PRELID2: variants seen among roughly 807,000 people sequenced by gnomAD.
The protein encoded by PRELID2 is PRELI domain containing 2.
In PRELID2, 25 loss-of-function variants were observed where a neutral mutation model predicts 28.4. That is an observed-to-expected ratio of 0.88 (90% CI 0.64 to 1.23). The LOEUF (loss-of-function observed/expected upper bound fraction) is 1.23, where lower values mean the gene tolerates loss of function less well. PRELID2 is among the 50% of genes most tolerant of loss of function. The pLI, the probability that PRELID2 is intolerant of heterozygous loss-of-function variation, is 0.00. For synonymous variants in PRELID2, 76 were observed against 71.6 expected (o/e 1.06, Z -0.31); for missense variants, 201 against 214.4 (o/e 0.94, Z 0.39).
At chr5:145,674,422 A>T (rs1754773179) in intron 1 of PRELID2, among the ~76,000 whole-genome samples, 1 of 152,140 alleles carries the variant, frequency 6.6e-6, no homozygotes, top group African/African-American at 2.4e-5. Flanking sequence ...ACAAATAGAA[A>T]ATCCAGAAAT....
At chr5:145,597,511 T>C (rs1389676122) in intron 1 of PRELID2, among the ~76,000 whole-genome samples, 2 of 152,102 alleles carry the variant, frequency 1.3e-5, no homozygotes, top group African/African-American at 2.4e-5. Flanking sequence ...GATAAATGAG[T>C]ATTGGGTTGA....
chr5:145,745,866 A>AAAAAAATG (rs145134599), intron 1 of PRELID2, among the ~76,000 whole-genome samples: 126,103 of 150,924 alleles, frequency 0.84, 52,974 homozygotes, highest in East Asian at 0.96. Context: ...TCATCTCAAA[A>AAAAAAATG]AAAAAAATGA....
At chr5:145,301,421 A>G in the PRELID2 span, among the ~76,000 whole-genome samples, 1 of 152,190 alleles carries the variant, frequency 6.6e-6, no homozygotes, top group South Asian at 2.1e-4. Context: ...TGAATCAGGC[A>G]TGTATAACAT....
the PRELID2 span, among the ~76,000 whole-genome samples, chr5:145,249,918 C>CCTCT: frequency 2.4e-4 from 34 of 139,834 alleles, no homozygotes; most frequent in African/African-American, 8.3e-4. Flanking sequence ...CATGCCTCTC[C>CCTCT]CTCTCTCTCT....
At chr5:145,673,521 C>T (rs1754752542) in intron 1 of PRELID2, among the ~76,000 whole-genome samples, 1 of 151,436 alleles carries the variant, frequency 6.6e-6, no homozygotes. Flanking sequence ...TAAAATAAAC[C>T]CATAGTGAAA....
At chr5:145,608,376 G>A (rs996221761) in intron 1 of PRELID2, among the ~76,000 whole-genome samples, 1 of 152,110 alleles carries the variant, frequency 6.6e-6, no homozygotes, top group Non-Finnish European at 1.5e-5. Context: ...GTGATGGCTG[G>A]TAACAGTCTT....
intron 1 of PRELID2, among the ~76,000 whole-genome samples, chr5:145,494,953 G>A (rs1752297597): frequency 6.6e-6 from 1 of 152,132 alleles, no homozygotes; most frequent in South Asian, 2.1e-4. Context: ...TATGTTAAGT[G>A]TGCCAATGAC....
chr5:145,718,406 T>C (rs1236550996), intron 1 of PRELID2, among the ~76,000 whole-genome samples: 3 of 151,886 alleles, frequency 2.0e-5, no homozygotes, highest in Non-Finnish European at 4.4e-5. Context: ...TAATAAAGAA[T>C]GTAAAAGATG....
chr5:145,595,122 A>G (rs192819053), intron 1 of PRELID2, among the ~76,000 whole-genome samples: 2 of 143,250 alleles, frequency 1.4e-5, no homozygotes, highest in Non-Finnish European at 3.0e-5. Flanking sequence ...AGCCATCTCA[A>G]AAAGAAAAAA....
intron 1 of PRELID2, among the ~76,000 whole-genome samples, chr5:145,516,968 A>G (rs1752522672): frequency 6.6e-6 from 1 of 152,194 alleles, no homozygotes; most frequent in Non-Finnish European, 1.5e-5. Context: ...CTTTCCTTAC[A>G]CTTTATACAA....
chr5:145,395,101 A>T, the PRELID2 span, among the ~76,000 whole-genome samples: 89 of 152,222 alleles, frequency 5.8e-4, 1 homozygote, highest in African/African-American at 2.1e-3. Context: ...CTATATGCCA[A>T]GTGCTTTTAG....
At chr5:145,292,341 T>G in the PRELID2 span, among the ~76,000 whole-genome samples, 1 of 152,068 alleles carries the variant, frequency 6.6e-6, no homozygotes, top group African/African-American at 2.4e-5. Context: ...TATGAGTTTC[T>G]GCTCTACGGC....
rs566929156 is a variant in PRELID2 at position 145,697,983 on chromosome 5, C to T, written n.70+66948G>A. 8.8e-5 allele frequency among the ~76,000 whole-genome samples: 13 copies of T among 147,340 alleles called. No homozygotes were observed. The East Asian group carries it at 2.4e-3, about 27-fold the overall frequency. ...TGAGAACTGTGATTGTCCTAATGTC[C>T]CTCAAAAAAAATATATATATATATA... On this transcript the variant is annotated intron_variant and non_coding_transcript_variant, in intron 1 of 2. Transcript: ENST00000510259.
At chr5:145,590,267 T>C (rs2149630483) in intron 1 of PRELID2, among the ~76,000 whole-genome samples, 2 of 152,330 alleles carry the variant, frequency 1.3e-5, no homozygotes, top group South Asian at 4.1e-4. Context: ...TGTTCTAAAA[T>C]CCACTTCTGT....
At chr5:145,238,145 C>CT in the PRELID2 span, among the ~76,000 whole-genome samples, 1 of 152,180 alleles carries the variant, frequency 6.6e-6, no homozygotes, top group South Asian at 2.1e-4. Flanking sequence ...TCCCTATTAG[C>CT]TTGCTATGAA....
the PRELID2 span, among the ~76,000 whole-genome samples, chr5:145,422,583 G>C: frequency 6.6e-6 from 1 of 151,660 alleles, no homozygotes; most frequent in Non-Finnish European, 1.5e-5. Flanking sequence ...TTTTCCATTG[G>C]CTTGGTAGAT....
At chr5:145,585,430 C>A (rs905052826) in intron 1 of PRELID2, among the ~76,000 whole-genome samples, 1 of 151,906 alleles carries the variant, frequency 6.6e-6, no homozygotes, top group African/African-American at 2.4e-5. Flanking sequence ...TGCACATGTA[C>A]CCCTGAACTT....
intron 1 of PRELID2, among the ~76,000 whole-genome samples, chr5:145,564,614 C>A (rs1183516146): frequency 6.6e-6 from 1 of 152,114 alleles, no homozygotes; most frequent in Non-Finnish European, 1.5e-5. Context: ...ATTTATATTG[C>A]CATTTTATCC....
At chr5:145,425,212 A>G in the PRELID2 span, among the ~76,000 whole-genome samples, 3 of 152,218 alleles carry the variant, frequency 2.0e-5, no homozygotes, top group Non-Finnish European at 2.9e-5. Flanking sequence ...AAGAGATACC[A>G]TCTCATGCCA....
Sources: gnomAD v4.1 joint callset for allele counts (sites outside exome capture counted in the v4.1 genomes callset) on GRCh38, gnomAD v4.1.1 for gene constraint, MANE v1.5 for transcripts, NCBI Gene and HGNC (gene_info 2026-07-23, HGNC 2026-07-21) for gene names.